The following HDAC4 variants were observed in gnomAD, a reference collection of about 807,000 sequenced individuals.
The protein encoded by HDAC4 is histone deacetylase A.
In HDAC4, 16 loss-of-function variants were observed where a neutral mutation model predicts 135.1. That is an observed-to-expected ratio of 0.12 (90% CI 0.08 to 0.18). HDAC4 has a LOEUF of 0.18. HDAC4 is among the 10% of genes least tolerant of loss of function. The pLI is 1.00. For missense variants in HDAC4, 1,143 were observed against 1,511.8 expected, an observed-to-expected ratio of 0.76 and a Z score of 4.05; for synonymous variants, 685 against 653.4, an observed-to-expected ratio of 1.05 and a Z score of -0.74.
At chr2:239,119,163 T>G (rs1447007380) in intron 12 of HDAC4, among the ~76,000 whole-genome samples, 1 of 152,182 alleles carries the variant, frequency 6.6e-6, no homozygotes, top group East Asian at 1.9e-4. Flanking sequence ...GGGATGTGAC[T>G]GACTGAGTGG....
intron 14 of HDAC4, among the ~76,000 whole-genome samples, chr2:239,109,579 C>T (rs1159420540): frequency 2.0e-5 from 3 of 148,830 alleles, no homozygotes; most frequent in East Asian, 2.0e-4. Flanking sequence ...GAGGTACTTG[C>T]ACAACAGTGC....
At chr2:239,385,645 G>A (rs1047134267) in intron 1 of HDAC4, among the ~76,000 whole-genome samples, 10 of 152,218 alleles carry the variant, frequency 6.6e-5, no homozygotes, top group African/African-American at 2.2e-4. Flanking sequence ...ACACGCACAC[G>A]CCTGTCCCTG....
chr2:239,159,101 C>G (rs1051679705), intron 6 of HDAC4, among the ~76,000 whole-genome samples: 2 of 151,474 alleles, frequency 1.3e-5, no homozygotes, highest in Non-Finnish European at 2.9e-5. Flanking sequence ...CACACACACA[C>G]CCGCACTTCA....
At chr2:239,339,807 T>C (rs1020022106) in intron 2 of HDAC4, among the ~76,000 whole-genome samples, 7 of 152,092 alleles carry the variant, frequency 4.6e-5, no homozygotes, top group African/African-American at 1.7e-4. Flanking sequence ...GAAACACTGA[T>C]AAACACAAGA....
chr2:239,094,065 G>C (rs2036763033), intron 17 of HDAC4: 2 of 985,406 alleles, frequency 2.0e-6, no homozygotes, highest in Non-Finnish European at 2.4e-6. Context: ...GCTTCACCCT[G>C]CGATCAGTGA....
At chr2:239,228,879 C>T (rs1054817929) in intron 3 of HDAC4, among the ~76,000 whole-genome samples, 30 of 152,166 alleles carry the variant, frequency 2.0e-4, no homozygotes, top group African/African-American at 7.2e-4. Context: ...CAGTCGTTCA[C>T]ACCTGTAATC....
At chr2:239,062,713 TA>T (rs1369518384) in intron 24 of HDAC4, among the ~76,000 whole-genome samples, 1 of 152,250 alleles carries the variant, frequency 6.6e-6, no homozygotes, top group Non-Finnish European at 1.5e-5. Context: ...AAAGGACCTG[TA>T]AAGTGCTTTG....
intron 4 of HDAC4, among the ~76,000 whole-genome samples, chr2:239,181,561 G>C (rs561613306): frequency 6.6e-5 from 10 of 152,240 alleles, no homozygotes; most frequent in Non-Finnish European, 1.2e-4. Context: ...GAACTTCTTG[G>C]GGATGGTGGG....
At chr2:239,269,960 C>G (rs1023435435) in intron 2 of HDAC4, among the ~76,000 whole-genome samples, 1 of 150,240 alleles carries the variant, frequency 6.7e-6, no homozygotes, top group South Asian at 2.1e-4. Context: ...ACAAGAGCAG[C>G]GAGTGGACCT....
chr2:239,398,320 A>G (rs1398396857), intron 1 of HDAC4, among the ~76,000 whole-genome samples: 1 of 152,272 alleles, frequency 6.6e-6, no homozygotes, highest in Non-Finnish European at 1.5e-5. Flanking sequence ...TTAAGACAGC[A>G]TAAAGTCGCC....
intron 5 of HDAC4, among the ~76,000 whole-genome samples, chr2:239,170,346 A>G (rs945638487): frequency 1.2e-4 from 18 of 152,362 alleles, no homozygotes; most frequent in African/African-American, 4.1e-4. Context: ...AACTGAATTT[A>G]CTTAATAGTT....
chr2:239,313,352 C>T lies in HDAC4; in HGVS notation c.22+39326G>A, dbSNP rs2125716347. On this transcript the variant is annotated intron_variant, in intron 2 of 26. Transcript: ENST00000543185. This position sits in a 1 kb window ranked among gnomAD's most constrained non-coding sequence, Gnocchi z 5.1. ...TTTTAGAAGGGGCTTTGAGGAGAAA[C>T]CCAAGGGACACTCACTTGCTGGAAA... is the stretch of plus-strand genomic sequence containing the variant. Among the ~76,000 whole-genome samples, 1 of 152,286 alleles carries T rather than the reference C, an allele frequency of 6.6e-6. No homozygotes were observed. Among genetic ancestry groups the T allele is most frequent in the South Asian group, 2.1e-4 (1 of 4,816 alleles).
chr2:239,050,215 G>GCGT lies in HDAC4; in HGVS notation c.*2879_*2881dup, dbSNP rs1405178776. ...TCCCCCTGCCAGGCCTTTGCAGAGG[G>GCGT]CGTCTCCATTTGAATGAGATTAGAA... On this transcript the variant is annotated 3_prime_UTR_variant, in exon 27 of 27. Coordinates refer to ENST00000543185, the MANE Select transcript of HDAC4 (RefSeq NM_001378414.1). 5.2e-5 allele frequency: 8 copies of GCGT among 152,446 alleles called. No homozygotes were observed. The highest frequency in any genetic ancestry group is 4.6e-4 in the Admixed American group (7 of 15,282). 9.4% of individuals were successfully genotyped at this position (152,446 alleles called of 1,614,324 possible). A position where few individuals can be genotyped will look rare whatever the true frequency, so the allele number is the denominator to read the frequency against.
chr2:239,132,659 G>A (rs1217958996), intron 11 of HDAC4, among the ~76,000 whole-genome samples: 1 of 152,190 alleles, frequency 6.6e-6, no homozygotes, highest in Admixed American at 6.5e-5. Context: ...TTCTCAGAGA[G>A]GTGAGACCCA....
At chr2:239,132,447 C>T (rs537412868) in intron 11 of HDAC4, among the ~76,000 whole-genome samples, 4 of 152,188 alleles carry the variant, frequency 2.6e-5, no homozygotes, top group Non-Finnish European at 5.9e-5. Flanking sequence ...TTGGAGGTGG[C>T]GGCATAGGAC....
chr2:239,388,066 T>C (rs1009909332), intron 1 of HDAC4, among the ~76,000 whole-genome samples: 3 of 152,150 alleles, frequency 2.0e-5, no homozygotes, highest in Non-Finnish European at 4.4e-5. Flanking sequence ...AGACACCCAC[T>C]GCAGAAACAT....
At chr2:239,117,205 C>T (rs1053143278) in intron 12 of HDAC4, among the ~76,000 whole-genome samples, 1 of 152,184 alleles carries the variant, frequency 6.6e-6, no homozygotes, top group Non-Finnish European at 1.5e-5. Context: ...AGAACAGGAA[C>T]ACAGGGTGCC....
In HDAC4 at chr2:239,280,944, ACT is replaced by A. The variant is rs150958385; in HGVS notation, c.23-44282_23-44281del. Among the ~76,000 whole-genome samples the A allele has an allele frequency of 4.1e-3, 557 of 137,274 alleles. 13 individuals are homozygous for A. The highest frequency in any genetic ancestry group is 0.016 in the African/African-American group (523 of 31,718). 90.1% of individuals were successfully genotyped at this position (137,274 alleles called of 152,430 possible). On this transcript the variant is annotated intron_variant, in intron 2 of 26. Coordinates refer to ENST00000543185, the MANE Select transcript of HDAC4 (RefSeq NM_001378414.1). ...CCACTCTCCACACAATGTACACACC[ACT>A]CTACAATGTACACACCACTCTACAA...
intron 2 of HDAC4, among the ~76,000 whole-genome samples, chr2:239,341,112 T>G (rs939724648): frequency 1.3e-5 from 2 of 152,252 alleles, no homozygotes; most frequent in African/African-American, 2.4e-5. Context: ...TGTCTCCAGT[T>G]TCCCCTAGGG....
Sources: gnomAD v4.1 joint callset for allele counts (sites outside exome capture counted in the v4.1 genomes callset) on GRCh38, gnomAD v4.1.1 for gene constraint, Gnocchi (gnomAD v3.1) non-coding constraint, MANE v1.5 for transcripts, NCBI Gene and HGNC (gene_info 2026-07-23, HGNC 2026-07-21) for gene names.